Variants in HOXA13 observed in about 807,000 individuals in gnomAD.
HOXA13 encodes the protein homeobox protein Hox-A13.
A neutral mutation model predicts 25.7 loss-of-function variants in HOXA13; 5 were observed. The observed-to-expected ratio is 0.19, with a 90% CI of 0.10 to 0.41. The LOEUF is 0.41. Ranked by LOEUF, HOXA13 falls within the 10% of genes least tolerant of loss-of-function variation. HOXA13 has a pLI of 1.00. For missense variants in HOXA13, 557 were observed against 533.5 expected, an observed-to-expected ratio of 1.04 and a Z score of -0.43; for synonymous variants, 284 against 241.1, an observed-to-expected ratio of 1.18 and a Z score of -1.65.
chr7:27,199,310 C>T lies in HOXA13; in HGVS notation c.768G>A (p.Pro256=). The T allele has an allele frequency of 1.2e-6, 2 of 1,613,974 alleles. No individual in the cohort carries two copies. ...GCGACTCGCCGGGGCCCCCGAGGCCCGGCACCACTGGCATATCCAGGTAGC... is the reference window on the plus strand; with the variant it reads ...GCGACTCGCCGGGGCCCCCGAGGCCTGGCACCACTGGCATATCCAGGTAGC... ...MPGYLDMPVV[P]GLGGPGESRH... is the part of the protein sequence containing the mutation. The change falls in exon 1 of 2, where the codon CCG becomes CCA. Residue 256 remains proline (P), a synonymous_variant. Coordinates refer to ENST00000649031, the MANE Select transcript of HOXA13 (RefSeq NM_000522.5).
chr7:27,199,497 C>G lies in HOXA13; in HGVS notation c.581G>C (p.Cys194Ser), dbSNP rs770151068. ...MGPHPNAIKS[C>S]AQPASAAAAA... ...GGCGGCGGCCGAGGCGGGCTGCGCG[C>G]ACGACTTGATGGCGTTGGGGTGCGG... The change falls in exon 1 of 2, where the codon TGC becomes TCC. Residue 194 changes from cysteine (C) to serine (S), a missense_variant. Transcript: ENST00000649031. 7 of 1,606,254 alleles carry G rather than the reference C, an allele frequency of 4.4e-6. No individual in the cohort carries two copies. In the African/African-American group the frequency reaches 8.1e-5, roughly 19 times the overall value.
rs1307254744 is a variant in HOXA13, at chr7:27,194,559, G to A, written c.*3639C>T. On this transcript the variant is annotated 3_prime_UTR_variant, in exon 2 of 2. Coordinates refer to ENST00000649031, the MANE Select transcript of HOXA13 (RefSeq NM_000522.5). Reference sequence around the variant, plus strand: ...TGTTTTTGTTTTAAGGTTTTAGACTGATTGCTATTTGGGCATTAAAGGAGC... The same window carrying A: ...TGTTTTTGTTTTAAGGTTTTAGACTAATTGCTATTTGGGCATTAAAGGAGC... The A allele has an allele frequency of 6.6e-6, 1 of 152,142 alleles. No homozygotes were observed. Among genetic ancestry groups the A allele is most frequent in the East Asian group, 1.9e-4 (1 of 5,196 alleles). 9.4% of individuals were successfully genotyped at this position (152,142 alleles called of 1,614,324 possible).
rs2115470407 is a variant in HOXA13 at position 27,197,256 on chromosome 7, T to C, written c.*942A>G. The C allele has an allele frequency of 4.8e-6, 1 of 208,386 alleles. No individual in the cohort carries two copies. Among genetic ancestry groups the C allele is most frequent in the East Asian group, 7.4e-5 (1 of 13,546 alleles). The allele number at this position is 208,386 out of a possible 1,614,324, so 12.9% of individuals were successfully genotyped here. On this transcript the variant is annotated 3_prime_UTR_variant, in exon 2 of 2. Coordinates refer to ENST00000649031, the MANE Select transcript of HOXA13 (RefSeq NM_000522.5). ...TTTTCTAAAAAAGAAAAAAGAAAAA[T>C]GATTTCTCCAGCAAATGTTTAGCAA...
Position 27,199,966 on chromosome 7 carries a change from C to G in HOXA13, c.112G>C (p.Ala38Pro). ...ADELNKNMEG[A>P]AAAAAAAAAA... ...GCAGCCGCTGCTGCAGCCGCCGCCG[C>G]CCCTTCCATGTTCTTGTTGAGCTCG... Residue 38 changes from alanine (A) to proline (P), a missense_variant, in exon 1 of 2, where the codon GCG becomes CCG. Transcript: ENST00000649031. The G allele has an allele frequency of 7.0e-7, 1 of 1,429,722 alleles. No individual in the cohort carries two copies. The highest frequency in any genetic ancestry group is 9.3e-7 in the Non-Finnish European group (1 of 1,076,002). The allele number at this position is 1,429,722 out of a possible 1,614,324, so 88.6% of individuals were successfully genotyped here.
Position 27,197,562 on chromosome 7 carries a change from A to G in HOXA13, c.*636T>C, listed in dbSNP as rs1395650444. The G allele has an allele frequency of 4.6e-6, 1 of 218,624 alleles. No homozygotes were observed. The highest frequency in any genetic ancestry group is 6.9e-5 in the East Asian group (1 of 14,528). The allele number at this position is 218,624 out of a possible 1,614,324, so 13.5% of individuals were successfully genotyped here. A position where few individuals can be genotyped will look rare whatever the true frequency, so the allele number is the denominator to read the frequency against. ...GGTTCTCTTGTAGCCTGAAAGGTTCAGCTGGTTGGTTTTACTATACTACCA... is the reference window on the plus strand; with the variant it reads ...GGTTCTCTTGTAGCCTGAAAGGTTCGGCTGGTTGGTTTTACTATACTACCA... On this transcript the variant is annotated 3_prime_UTR_variant, in exon 2 of 2. Transcript: ENST00000649031.
rs961134577 is a variant in HOXA13, at chr7:27,197,359, C to T, written c.*839G>A. On this transcript the variant is annotated 3_prime_UTR_variant, in exon 2 of 2. Transcript: ENST00000649031. ...TCCATCATGTTGGGATGGAAACTCT[C>T]GGGAGATCTCACATAAAGTGAATTC... is the stretch of plus-strand genomic sequence containing the variant. The T allele has an allele frequency of 4.7e-6, 1 of 213,146 alleles. No homozygotes were observed. The highest frequency in any genetic ancestry group is 9.5e-6 in the Non-Finnish European group (1 of 105,146). 13.2% of individuals were successfully genotyped at this position (213,146 alleles called of 1,614,324 possible).
chr7:27,199,387 A>G lies in HOXA13; in HGVS notation c.691T>C (p.Tyr231His). The G allele has an allele frequency of 1.2e-6, 2 of 1,614,074 alleles. No homozygotes were observed. Among genetic ancestry groups the G allele is most frequent in the Non-Finnish European group, 1.7e-6 (2 of 1,179,974 alleles). ...FSSRAKEFAF[Y>H]HQGYAAGPYH... ...GGCCCGGCTGCGTAGCCCTGGTGGT[A>G]GAAGGCGAACTCCTTAGCGCGGGAG... Residue 231 changes from tyrosine to histidine, a missense_variant, in exon 1 of 2, where the codon TAC becomes CAC. Coordinates refer to ENST00000649031, the MANE Select transcript of HOXA13 (RefSeq NM_000522.5).
In HOXA13 at chr7:27,199,493, C is replaced by A. The variant is rs1457064167; in HGVS notation, c.585G>T (p.Ala195=). The part of the protein sequence containing the change: ...GPHPNAIKSC[A]QPASAAAAAA... Reference sequence around the variant, plus strand: ...CGGCGGCGGCGGCCGAGGCGGGCTGCGCGCACGACTTGATGGCGTTGGGGT... The same window carrying A: ...CGGCGGCGGCGGCCGAGGCGGGCTGAGCGCACGACTTGATGGCGTTGGGGT... Residue 195 remains alanine, a synonymous_variant, in exon 1 of 2, where the codon GCG becomes GCT. Coordinates refer to ENST00000649031, the MANE Select transcript of HOXA13 (RefSeq NM_000522.5). The A allele has an allele frequency of 6.2e-6, 10 of 1,608,340 alleles. No homozygotes were observed. The highest frequency in any genetic ancestry group is 3.3e-5 in the South Asian group (3 of 90,746).
In HOXA13 at chr7:27,199,275, G is replaced by T. The variant is rs1412483615; in HGVS notation, c.803C>A (p.Pro268His). 4 of 1,614,074 alleles carry T rather than the reference G, an allele frequency of 2.5e-6. No homozygotes were observed. The highest frequency in any genetic ancestry group is 3.4e-6 in the Non-Finnish European group (4 of 1,179,994). The change falls in exon 1 of 2, where the codon CCC (proline) becomes CAC (histidine). Residue 268 changes from proline (P) to histidine (H), a missense_variant. Transcript: ENST00000649031. Reference sequence around the variant, plus strand: ...GTAGCTTTCCATGGGAAGACCCAAGGGTTCGTGGCGCGACTCGCCGGGGCC... The same window carrying T: ...GTAGCTTTCCATGGGAAGACCCAAGTGTTCGTGGCGCGACTCGCCGGGGCC... ...LGGPGESRHE[P>H]LGLPMESYQP... is the part of the protein sequence containing the mutation.
In HOXA13 at chr7:27,197,111, C is replaced by G. The variant is rs980228162; in HGVS notation, c.*1087G>C. ...AAAAATGTGCTGTGAAGATGAATCA[C>G]TAATCTTTCTAATGCACTCTGATAA... On this transcript the variant is annotated 3_prime_UTR_variant, in exon 2 of 2. Transcript: ENST00000649031. 13 of 207,810 alleles carry G rather than the reference C, an allele frequency of 6.3e-5. No homozygotes were observed. Among genetic ancestry groups the G allele is most frequent in the Non-Finnish European group, 9.8e-6 (1 of 101,852 alleles). The allele number at this position is 207,810 out of a possible 1,614,324, so 12.9% of individuals were successfully genotyped here.
chr7:27,199,024 C>G (rs1490599262), intron 1 of HOXA13, 132 bp downstream of exon 1: 8 of 834,000 alleles, frequency 9.6e-6, no homozygotes, highest in Non-Finnish European at 1.5e-5. Flanking sequence ...CATGCTCGGG[C>G]TCCCAGGGGT....
At position 27,199,362 on chromosome 7, in the gene HOXA13, G is replaced by A. The variant is rs1245700489; in HGVS notation, c.716C>T (p.Pro239Leu). The change falls in exon 1 of 2, where the codon CCT (proline) becomes CTT (leucine). Residue 239 changes from proline (P) to leucine (L), a missense_variant. Coordinates refer to ENST00000649031, the MANE Select transcript of HOXA13 (RefSeq NM_000522.5). Reference protein sequence around the residue: ...AFYHQGYAAGPYHHHQPMPGY... With the variant: ...AFYHQGYAAGLYHHHQPMPGY... ...AGGCATGGGCTGATGGTGGTGGTAA[G>A]GCCCGGCTGCGTAGCCCTGGTGGTA... 1.2e-6 allele frequency: 2 copies of A among 1,614,132 alleles called. No homozygotes were observed. Among genetic ancestry groups the A allele is most frequent in the Non-Finnish European group, 1.7e-6 (2 of 1,179,994 alleles).
chr7:27,199,046 A>T, intron 1 of HOXA13, 110 bp downstream of exon 1: 1 of 1,053,102 alleles, frequency 9.5e-7, no homozygotes, highest in Non-Finnish European at 1.4e-6. Flanking sequence ...CAGAGCCGCT[A>T]GGGCAGACCA....
intron 1 of HOXA13, 100 bp downstream of exon 1, chr7:27,199,056 A>T: frequency 3.4e-6 from 4 of 1,166,420 alleles, no homozygotes; most frequent in Non-Finnish European, 4.8e-6. Flanking sequence ...AGGGCAGACC[A>T]GGAAGAGAAC....
At position 27,198,435 on chromosome 7, in the gene HOXA13, G is replaced by C. The variant is rs2115471599; in HGVS notation, c.930C>G (p.Val310=). ...HLWKSTLPDV[V]SHPSDASSYR... ...AGGAGCTGGCATCCGAGGGATGGGA[G>C]ACCACGTCTAGAAGACAAGGGAGAA... Residue 310 remains valine, a synonymous_variant, in exon 2 of 2, where the codon GTC becomes GTG. Transcript: ENST00000649031. 6.2e-7 allele frequency: 1 copy of C among 1,613,924 alleles called. No homozygotes were observed. Among genetic ancestry groups the C allele is most frequent in the Non-Finnish European group, 8.5e-7 (1 of 1,180,036 alleles).
At position 27,199,231 on chromosome 7, in the gene HOXA13, T is replaced by C; in HGVS notation, c.847A>G (p.Asn283Asp). Residue 283 changes from asparagine to aspartate, a missense_variant, in exon 1 of 2, where the codon AAC (asparagine) becomes GAC (aspartate). Transcript: ENST00000649031. ...MESYQPWALP[N>D]GWNGQMYCPK... Reference sequence around the variant, plus strand: ...CAGTACATTTGGCCGTTCCAGCCGTTGGGCAGCGCCCAGGGCTGGTAGCTT... The same window carrying C: ...CAGTACATTTGGCCGTTCCAGCCGTCGGGCAGCGCCCAGGGCTGGTAGCTT... 2 of 1,613,646 alleles carry C rather than the reference T, an allele frequency of 1.2e-6. No homozygotes were observed. Among genetic ancestry groups the C allele is most frequent in the Non-Finnish European group, 1.7e-6 (2 of 1,179,800 alleles).
In HOXA13 at chr7:27,198,073, C is replaced by G; in HGVS notation, c.*125G>C. Reference sequence around the variant, plus strand: ...AGATCTCCTTCGGGAGAGGAAAATGCCAGTCTCTGTCTCTTTCTCTTTCCC... The same window carrying G: ...AGATCTCCTTCGGGAGAGGAAAATGGCAGTCTCTGTCTCTTTCTCTTTCCC... On this transcript the variant is annotated 3_prime_UTR_variant, in exon 2 of 2. Transcript: ENST00000649031. 9.2e-7 allele frequency: 1 copy of G among 1,083,824 alleles called. No homozygotes were observed. The highest frequency in any genetic ancestry group is 1.6e-5 in the African/African-American group (1 of 63,698). The allele number at this position is 1,083,824 out of a possible 1,614,324, so 67.1% of individuals were successfully genotyped here.
chr7:27,198,624 A>G (rs1784036061), intron 1 of HOXA13, 182 bp from the exon 2 acceptor site: 2 of 700,470 alleles, frequency 2.9e-6, no homozygotes, highest in Admixed American at 2.6e-5. Flanking sequence ...CTGAACTGAA[A>G]TGAAATCACC....
At position 27,198,092 on chromosome 7, in the gene HOXA13, C is replaced by T. The variant is rs1273464189; in HGVS notation, c.*106G>A. On this transcript the variant is annotated 3_prime_UTR_variant, in exon 2 of 2. Coordinates refer to ENST00000649031, the MANE Select transcript of HOXA13 (RefSeq NM_000522.5). ...AAAATGCCAGTCTCTGTCTCTTTCT[C>T]TTTCCCATTCTTCAATTATTATTAA... 3 of 1,274,932 alleles carry T rather than the reference C, an allele frequency of 2.4e-6. No homozygotes were observed. Among genetic ancestry groups the T allele is most frequent in the Non-Finnish European group, 3.4e-6 (3 of 885,768 alleles). 79.0% of individuals were successfully genotyped at this position (1,274,932 alleles called of 1,614,324 possible).
Sources: allele counts gnomAD v4.1 joint callset, GRCh38; gene constraint gnomAD v4.1.1; transcripts MANE v1.5; gene names NCBI Gene and HGNC (gene_info 2026-07-23, HGNC 2026-07-21).